ACACB: variants seen among roughly 807,000 people sequenced by gnomAD.
ACACB encodes the protein acetyl-CoA carboxylase beta.
Under a neutral mutation model 278.8 loss-of-function variants are expected in ACACB, and 209 were observed. The observed-to-expected ratio is 0.75, with a 90% CI of 0.67 to 0.84. The LOEUF (loss-of-function observed/expected upper bound fraction) is 0.84, where lower values mean the gene tolerates loss of function less well. Ranked by LOEUF, ACACB falls within the 40% of genes least tolerant of loss-of-function variation. The pLI, the probability that ACACB is intolerant of heterozygous loss-of-function variation, is 0.00. For synonymous variants in ACACB, 1,174 were observed against 1,285.6 expected, an observed-to-expected ratio of 0.91 and a Z score of 1.86; for missense variants, 2,850 against 3,269.0, an observed-to-expected ratio of 0.87 and a Z score of 3.13.
chr12:109,112,293 A>AT (rs1332324460), upstream of ACACB, among the ~76,000 whole-genome samples: 1 of 147,826 alleles, frequency 6.8e-6, no homozygotes, highest in African/African-American at 2.6e-5. Context: ...ATGTATATAT[A>AT]TTCAATATAT....
At chr12:109,159,504 G>A (rs1348983991) in intron 2 of ACACB, among the ~76,000 whole-genome samples, 1 of 152,190 alleles carries the variant, frequency 6.6e-6, no homozygotes, top group Non-Finnish European at 1.5e-5. Flanking sequence ...CATCATGTGA[G>A]GAAACTGAGG....
At chr12:109,202,399 C>T (rs1267383163) in intron 19 of ACACB, among the ~76,000 whole-genome samples, 1 of 152,176 alleles carries the variant, frequency 6.6e-6, no homozygotes, top group Non-Finnish European at 1.5e-5. Flanking sequence ...ACTGCAACCT[C>T]TGCCTCCCTG....
At chr12:109,214,983 C>T (rs1593596595) in intron 22 of ACACB, among the ~76,000 whole-genome samples, 1 of 151,990 alleles carries the variant, frequency 6.6e-6, no homozygotes, top group African/African-American at 2.4e-5. Context: ...GTGGTCCCAG[C>T]TACTCCAGAG....
intron 2 of ACACB, among the ~76,000 whole-genome samples, chr12:109,153,366 C>T (rs937378685): frequency 5.3e-5 from 8 of 152,168 alleles, no homozygotes; most frequent in South Asian, 2.1e-4. Flanking sequence ...GCATAGAATG[C>T]ATAATGATTG....
chr12:109,170,684 C>T lies in ACACB; in HGVS notation c.926-1121C>T, dbSNP rs116518270. Among the ~76,000 whole-genome samples the T allele has an allele frequency of 8.7e-3, 1,323 of 152,098 alleles. 23 individuals carry two copies. The highest frequency in any genetic ancestry group is 0.03 in the African/African-American group (1,261 of 41,476). ...AAGGGAGTTGTTCATGAGTATAGAG[C>T]TTCAGATTCATAAAATGAAAAAGTT... On this transcript the variant is annotated intron_variant, in intron 4 of 52. Transcript: ENST00000338432.
In ACACB at chr12:109,223,854, C is replaced by G. The variant is rs2046244379; in HGVS notation, c.3832C>G (p.Pro1278Ala). 1.2e-6 allele frequency: 2 copies of G among 1,614,036 alleles called. No individual in the cohort carries two copies. Among genetic ancestry groups the G allele is most frequent in the South Asian group, 1.1e-5 (1 of 91,088 alleles). The change falls in exon 27 of 53, where the codon CCT becomes GCT. Residue 1278 changes from proline to alanine, a missense_variant. Physicochemically the swap from Pro to Ala is conservative, Grantham distance 27. This residue lies in a region of ACACB where 2,265 missense variants were observed against 2,561.3 expected (regional missense o/e 0.88). Coordinates refer to ENST00000338432, the MANE Select transcript of ACACB (RefSeq NM_001093.4). ...GGAAACAACCATCTTCGACGTCCTG[C>G]CTACTTTCTTCTATCACGCAAACAA... The part of the protein sequence containing the change: ...LSETTIFDVL[P>A]TFFYHANKVV...
At chr12:109,215,789 T>C (rs953797474) in intron 22 of ACACB, among the ~76,000 whole-genome samples, 3 of 152,112 alleles carry the variant, frequency 2.0e-5, no homozygotes, top group Non-Finnish European at 4.4e-5. Context: ...TATTTTTAAA[T>C]TAACTAATTA....
chr12:109,198,961 GC>G (rs2045235674), intron 17 of ACACB, among the ~76,000 whole-genome samples: 1 of 151,944 alleles, frequency 6.6e-6, no homozygotes, highest in Non-Finnish European at 1.5e-5. Flanking sequence ...GCTGAGGCGG[GC>G]GGATCATGAG....
At chr12:109,172,039 C>A in intron 5 of ACACB, 125 bp downstream of exon 5, 2 of 848,784 alleles carry the variant, frequency 2.4e-6, no homozygotes, top group Admixed American at 2.5e-5. Flanking sequence ...AATTCCTGGG[C>A]TGATGTAACA....
intron 1 of ACACB, among the ~76,000 whole-genome samples, chr12:109,135,119 T>C (rs193015190): frequency 1.7e-3 from 266 of 152,340 alleles, no homozygotes; most frequent in Non-Finnish European, 3.1e-3. Flanking sequence ...TACAACATTT[T>C]AAATTCCTAC....
At chr12:109,113,198 C>A (rs1439031901), upstream of ACACB, 1 of 152,260 alleles carries the variant, frequency 6.6e-6, no homozygotes, top group African/African-American at 2.4e-5. Flanking sequence ...ACGGCTGGGT[C>A]AGCCCAGGAA....
chr12:109,257,323 A>T (rs973982226), intron 45 of ACACB, among the ~76,000 whole-genome samples: 1 of 151,986 alleles, frequency 6.6e-6, no homozygotes, highest in Non-Finnish European at 1.5e-5. Flanking sequence ...AAAAAATAAA[A>T]AAAAAAAAAT....
intron 34 of ACACB, among the ~76,000 whole-genome samples, chr12:109,239,350 G>A (rs1470232521): frequency 6.6e-6 from 1 of 152,206 alleles, no homozygotes; most frequent in Non-Finnish European, 1.5e-5. Context: ...GGCCACATGG[G>A]GAGGCTCTGG....
chr12:109,214,109 A>C (rs1264290157), intron 22 of ACACB, among the ~76,000 whole-genome samples: 1 of 151,952 alleles, frequency 6.6e-6, no homozygotes, highest in Non-Finnish European at 1.5e-5. Context: ...AAAGAAAAAA[A>C]AAATGAGTCG....
intron 44 of ACACB, among the ~76,000 whole-genome samples, chr12:109,255,768 T>A (rs2047209467): frequency 6.6e-6 from 1 of 152,236 alleles, no homozygotes; most frequent in Admixed American, 6.5e-5. Context: ...GATGAGTTTT[T>A]CGGGAAAGGT....
chr12:109,172,857 C>T (rs865816781), intron 6 of ACACB, among the ~76,000 whole-genome samples: 10 of 152,160 alleles, frequency 6.6e-5, no homozygotes, highest in East Asian at 5.8e-4. Flanking sequence ...ACCATAAAGA[C>T]GCATGAACAC....
intron 40 of ACACB, chr12:109,249,759 TG>T: frequency 5.1e-6 from 2 of 392,026 alleles, no homozygotes; most frequent in Non-Finnish European, 8.9e-6. Flanking sequence ...CCCAAACTGC[TG>T]GGATTACAGA....
intron 46 of ACACB, 94 bp from the exon 47 acceptor site, chr12:109,258,879 C>T (rs942701408): frequency 8.7e-6 from 13 of 1,497,986 alleles, no homozygotes; most frequent in Middle Eastern, 1.8e-4. Context: ...CAGATCAGAT[C>T]GCCTGCCATC....
intron 1 of ACACB, among the ~76,000 whole-genome samples, chr12:109,133,863 A>T (rs867456601): frequency 2.9e-3 from 204 of 70,552 alleles, no homozygotes; most frequent in African/African-American, 4.5e-3. Flanking sequence ...ATATATATAT[A>T]TTTTTTTTTT....
Sources: allele counts gnomAD v4.1 joint callset (sites outside exome capture counted in the v4.1 genomes callset), GRCh38; gene constraint gnomAD v4.1.1; regional missense constraint gnomAD v4.1.1; transcripts MANE v1.5; gene names NCBI Gene and HGNC (gene_info 2026-07-23, HGNC 2026-07-21).